The following CCDC171 variants were observed in gnomAD, a reference collection of about 807,000 sequenced individuals.
The protein encoded by CCDC171 is coiled-coil domain-containing protein 171.
Under a neutral mutation model 168.2 loss-of-function variants are expected in CCDC171, and 177 were observed. The observed-to-expected ratio is 1.05, with a 90% confidence interval of 0.93 to 1.19. The LOEUF (loss-of-function observed/expected upper bound fraction) is 1.19. Among genes scored for constraint, CCDC171 ranks in the 50% most tolerant of loss-of-function variants. CCDC171 has a pLI of 0.00. For synonymous variants in CCDC171, 687 were observed against 540.8 expected (o/e 1.27, Z -3.75); for missense variants, 1,991 against 1,539.0 (o/e 1.29, Z -4.91).
At chr9:15,841,438 G>A (rs949805803) in intron 21 of CCDC171, among the ~76,000 whole-genome samples, 3 of 151,882 alleles carry the variant, frequency 2.0e-5, no homozygotes, top group African/African-American at 7.2e-5. Context: ...CTTAACATCT[G>A]TTGCCTTACT....
intron 11 of CCDC171, among the ~76,000 whole-genome samples, chr9:15,696,892 A>C (rs987827939): frequency 1.3e-5 from 2 of 152,098 alleles, no homozygotes; most frequent in South Asian, 4.1e-4. Flanking sequence ...ATTCCAGGGA[A>C]TGTGTTCCTG....
intron 7 of CCDC171, among the ~76,000 whole-genome samples, chr9:15,639,337 A>T (rs1321076858): frequency 2.6e-5 from 4 of 152,066 alleles, no homozygotes; most frequent in African/African-American, 9.7e-5. Context: ...AAATTTTAAG[A>T]TTGGAACTTC....
chr9:15,619,208 G>A (rs1033860860), intron 6 of CCDC171, among the ~76,000 whole-genome samples: 1 of 152,128 alleles, frequency 6.6e-6, no homozygotes, highest in African/African-American at 2.4e-5. Context: ...TGAAAGGAAG[G>A]CTCACACCTG....
At chr9:16,018,790 G>T (rs1833093643) in intron 3 of CCDC171, among the ~76,000 whole-genome samples, 1 of 152,172 alleles carries the variant, frequency 6.6e-6, no homozygotes, top group South Asian at 2.1e-4. Context: ...ATACCCAAGG[G>T]AGCTACAAAA....
At chr9:15,572,188 T>C (rs531424342) in intron 3 of CCDC171, among the ~76,000 whole-genome samples, 31 of 152,270 alleles carry the variant, frequency 2.0e-4, no homozygotes, top group Middle Eastern at 6.8e-3. Context: ...CATTATTTCT[T>C]TTATTAGTAT....
Position 15,729,624 on chromosome 9 carries a change from G to C in CCDC171, c.1875G>C (p.Glu625Asp). 1 of 1,611,982 alleles carries C rather than the reference G, an allele frequency of 6.2e-7. No homozygotes were observed. The change falls in exon 16 of 26, where the codon GAG (glutamate) becomes GAC (aspartate). Residue 625 changes from glutamate (E) to aspartate (D), a missense_variant. Transcript: ENST00000380701. Reference sequence around the variant, plus strand: ...TCCCCGTATAGATAAGGCATCTAGAGTATATCTGTAAAAACAAGTCTGACA... The same window carrying C: ...TCCCCGTATAGATAAGGCATCTAGACTATATCTGTAAAAACAAGTCTGACA... ...NRANEKIRHL[E>D]YICKNKSDTM...
At chr9:15,740,216 T>A (rs1443285829) in intron 16 of CCDC171, among the ~76,000 whole-genome samples, 1 of 152,160 alleles carries the variant, frequency 6.6e-6, no homozygotes. Flanking sequence ...AATTTACTTA[T>A]GTATAAAATG....
At chr9:16,096,463 C>A in the CCDC171 span, among the ~76,000 whole-genome samples, 1 of 152,138 alleles carries the variant, frequency 6.6e-6, no homozygotes, top group African/African-American at 2.4e-5. Flanking sequence ...CTGCTATGTT[C>A]GTGAGTTAAA....
chr9:15,637,467 T>TA (rs1554723799), intron 7 of CCDC171, among the ~76,000 whole-genome samples: 7 of 151,382 alleles, frequency 4.6e-5, no homozygotes, highest in African/African-American at 9.7e-5. Context: ...TTTTGTTTAT[T>TA]TTATTATTAT....
chr9:16,090,810 A>G, the CCDC171 span, among the ~76,000 whole-genome samples: 2 of 152,242 alleles, frequency 1.3e-5, no homozygotes, highest in African/African-American at 4.8e-5. Context: ...AATTTCCAAA[A>G]TGTCTGATGC....
At chr9:15,864,387 G>A (rs2061683073) in intron 23 of CCDC171, among the ~76,000 whole-genome samples, 3 of 151,944 alleles carry the variant, frequency 2.0e-5, no homozygotes, top group Admixed American at 2.0e-4. Flanking sequence ...GTATACATGT[G>A]CCATGTTGGT....
downstream of CCDC171, among the ~76,000 whole-genome samples, chr9:16,066,065 C>T (rs1833987263): frequency 1.3e-5 from 2 of 152,142 alleles, no homozygotes; most frequent in Non-Finnish European, 2.9e-5. Context: ...CCACTGTCTC[C>T]CTAATGCTGT....
At chr9:15,791,432 T>G (rs533931420) in intron 21 of CCDC171, among the ~76,000 whole-genome samples, 1 of 152,238 alleles carries the variant, frequency 6.6e-6, no homozygotes, top group East Asian at 1.9e-4. Context: ...TTGTGATTTT[T>G]GCACATTGAT....
downstream of CCDC171, among the ~76,000 whole-genome samples, chr9:15,975,930 A>G (rs1831607248): frequency 2.6e-5 from 4 of 152,114 alleles, no homozygotes; most frequent in South Asian, 8.3e-4. Flanking sequence ...TCTAAATGCA[A>G]TAGGAGGTAT....
intron 21 of CCDC171, among the ~76,000 whole-genome samples, chr9:15,840,342 A>G (rs1489486021): frequency 1.3e-5 from 2 of 152,164 alleles, no homozygotes; most frequent in African/African-American, 2.4e-5. Context: ...ATAGTTTTTT[A>G]CAACTTAATT....
At chr9:15,864,459 C>A (rs985026456) in intron 23 of CCDC171, among the ~76,000 whole-genome samples, 48 of 152,036 alleles carry the variant, frequency 3.2e-4, no homozygotes, top group Non-Finnish European at 5.0e-4. Context: ...TCCCTCCCCC[C>A]GCTCCCCGCA....
chr9:15,755,312 C>T (rs1256563624), intron 18 of CCDC171, among the ~76,000 whole-genome samples: 2 of 151,996 alleles, frequency 1.3e-5, no homozygotes, highest in South Asian at 2.1e-4. Flanking sequence ...TGAAGGCATT[C>T]GTACATTGTT....
downstream of CCDC171, among the ~76,000 whole-genome samples, chr9:15,978,006 C>A (rs1023979187): frequency 5.4e-5 from 8 of 148,378 alleles, no homozygotes; most frequent in African/African-American, 1.9e-4. Context: ...AACCAAAATA[C>A]ATTTTCTTTT....
intron 24 of CCDC171, among the ~76,000 whole-genome samples, chr9:15,892,413 G>C (rs73424853): frequency 0.017 from 2,620 of 152,144 alleles, 88 homozygotes; most frequent in African/African-American, 0.061. Context: ...TAACATGCAG[G>C]GATGTTGAAT....
Sources: gnomAD v4.1 joint callset for allele counts (sites outside exome capture counted in the v4.1 genomes callset) on GRCh38, gnomAD v4.1.1 for gene constraint, MANE v1.5 for transcripts, NCBI Gene and HGNC (gene_info 2026-07-23, HGNC 2026-07-21) for gene names.